The following ANKS1B variants were observed in gnomAD, a reference collection of about 807,000 sequenced individuals.
The protein encoded by ANKS1B is ankyrin repeat and sterile alpha motif domain-containing protein 1B.
A neutral mutation model predicts 148.3 loss-of-function variants in ANKS1B; 36 were observed. That is an observed-to-expected ratio of 0.24 (90% CI 0.19 to 0.32). The LOEUF is 0.32. Among genes scored for constraint, ANKS1B ranks in the 10% least tolerant of loss-of-function variants. ANKS1B has a pLI of 1.00. For synonymous variants in ANKS1B, 542 were observed against 560.8 expected (o/e 0.97, Z 0.47); for missense variants, 1,157 against 1,542.6 (o/e 0.75, Z 4.19).
At chr12:99,906,632 A>G (rs1188706374) in intron 1 of ANKS1B, among the ~76,000 whole-genome samples, 2 of 152,180 alleles carry the variant, frequency 1.3e-5, no homozygotes, top group Admixed American at 6.5e-5. Context: ...ACCACTCTCT[A>G]GTCTCATGGT....
intron 15 of ANKS1B, chr12:99,104,540 T>C (rs1354779495): frequency 6.6e-6 from 1 of 152,172 alleles, no homozygotes; most frequent in Non-Finnish European, 1.5e-5. Context: ...GTTTTGATCA[T>C]CCTATGAGCC....
chr12:98,767,366 T>G, intron 25 of ANKS1B, among the ~76,000 whole-genome samples: 1 of 152,156 alleles, frequency 6.6e-6, no homozygotes, highest in South Asian at 2.1e-4. Flanking sequence ...GATCCTCACA[T>G]GGCCCACATT....
intron 12 of ANKS1B, among the ~76,000 whole-genome samples, chr12:99,372,071 T>A (rs1365453996): frequency 6.6e-6 from 1 of 152,118 alleles, no homozygotes. Flanking sequence ...ACTTACATAT[T>A]TGTGTAAACC....
At chr12:98,855,254 T>C (rs1440882604) in intron 17 of ANKS1B, among the ~76,000 whole-genome samples, 2 of 152,230 alleles carry the variant, frequency 1.3e-5, no homozygotes, top group Admixed American at 1.3e-4. Context: ...AATATCTTCG[T>C]TGACAATTCT....
chr12:99,735,807 C>CAAAAAAAAAAAAAAAAAAAA (rs376398944), intron 8 of ANKS1B, among the ~76,000 whole-genome samples: 4 of 108,950 alleles, frequency 3.7e-5, no homozygotes, highest in Non-Finnish European at 5.7e-5. Flanking sequence ...GGACATATAC[C>CAAAAAAAAAAAAAAAAAAAA]AAAAAAAAAA....
At chr12:99,423,708 G>A (rs1015441076) in intron 11 of ANKS1B, among the ~76,000 whole-genome samples, 1 of 152,122 alleles carries the variant, frequency 6.6e-6, no homozygotes, top group Non-Finnish European at 1.5e-5. Context: ...GGAGCTGGAG[G>A]TCATTATCCT....
At chr12:99,766,199 G>GACC (rs991567961) in intron 8 of ANKS1B, among the ~76,000 whole-genome samples, 7 of 152,100 alleles carry the variant, frequency 4.6e-5, no homozygotes, top group Admixed American at 6.5e-5. Context: ...TTCACTGAGA[G>GACC]ACCACTACAT....
chr12:98,843,059 T>G (rs1235505344), intron 17 of ANKS1B, among the ~76,000 whole-genome samples: 1 of 152,170 alleles, frequency 6.6e-6, no homozygotes, highest in Non-Finnish European at 1.5e-5. Flanking sequence ...GTGGTGATCA[T>G]GAGATGACAC....
chr12:99,607,572 C>T (rs1421136482), intron 9 of ANKS1B, among the ~76,000 whole-genome samples: 3 of 152,036 alleles, frequency 2.0e-5, no homozygotes, highest in African/African-American at 7.2e-5. Context: ...GCAGATCCTA[C>T]AGCTTTAACT....
chr12:99,395,326 A>C (rs147815883), intron 12 of ANKS1B, among the ~76,000 whole-genome samples: 240 of 152,302 alleles, frequency 1.6e-3, no homozygotes, highest in African/African-American at 5.6e-3. Context: ...GGTTAAAGCC[A>C]AAGTCCTGAA....
At chr12:99,378,807 T>C (rs73151139) in intron 12 of ANKS1B, among the ~76,000 whole-genome samples, 19,001 of 152,062 alleles carry the variant, frequency 0.12, 1,255 homozygotes, top group African/African-American at 0.17. Context: ...AAGAAAAGAT[T>C]ACTCAAAGAA....
chr12:98,796,992 T>C (rs2098955607), intron 22 of ANKS1B, among the ~76,000 whole-genome samples: 1 of 152,200 alleles, frequency 6.6e-6, no homozygotes, highest in Non-Finnish European at 1.5e-5. Flanking sequence ...ATGCTGATTA[T>C]CACACCGGAG....
At chr12:99,434,142 T>C (rs1047649798) in intron 11 of ANKS1B, among the ~76,000 whole-genome samples, 5 of 152,142 alleles carry the variant, frequency 3.3e-5, no homozygotes, top group Admixed American at 2.0e-4. Context: ...CTATTCATTG[T>C]ATAGTCAAAC....
In ANKS1B at chr12:99,091,654, T is replaced by C. The variant is rs572208999; in HGVS notation, c.2527-6631A>G. ...CCAGATGCATATATCTGTATAAATA[T>C]AAAGCTGATGAATACCTACTGTCTT... On this transcript the variant is annotated intron_variant, in intron 15 of 26. Transcript: ENST00000683438. Among the ~76,000 whole-genome samples, 9 of 152,362 alleles carry C rather than the reference T, an allele frequency of 5.9e-5. No individual in the cohort carries two copies. The South Asian group carries it at 1.9e-3, about 32-fold the overall frequency.
At chr12:99,371,078 C>G (rs538201010) in intron 12 of ANKS1B, among the ~76,000 whole-genome samples, 1 of 151,860 alleles carries the variant, frequency 6.6e-6, no homozygotes, top group Admixed American at 6.6e-5. Context: ...TGGTTTTGGA[C>G]CCCAAGGAAA....
rs2152824792 is a variant in ANKS1B at position 99,452,516 on chromosome 12, GATAA to G, written c.1439-8711_1439-8708del. On this transcript the variant is annotated intron_variant, in intron 10 of 26. Transcript: ENST00000683438. The stretch of plus-strand genomic sequence containing the variant: ...CTGTTCAATATATGCTCATTAAATA[GATAA>G]ATAAATAAGACCAATGAAATCTTTA... Among the ~76,000 whole-genome samples the G allele has an allele frequency of 3.3e-5, 5 of 152,244 alleles. No homozygotes were observed. In the South Asian group the frequency reaches 1.0e-3, roughly 32 times the overall value.
intron 17 of ANKS1B, among the ~76,000 whole-genome samples, chr12:99,025,222 T>C (rs141803857): frequency 6.6e-6 from 1 of 152,326 alleles, no homozygotes; most frequent in East Asian, 1.9e-4. Context: ...ATGATATTTT[T>C]AAAATGTAAA....
At chr12:99,602,141 A>G (rs2097805314) in intron 9 of ANKS1B, among the ~76,000 whole-genome samples, 1 of 151,956 alleles carries the variant, frequency 6.6e-6, no homozygotes, top group Non-Finnish European at 1.5e-5. Flanking sequence ...CTTTAGTTCA[A>G]CTTATTCAGC....
chr12:99,584,099 G>T (rs773574476), intron 9 of ANKS1B, among the ~76,000 whole-genome samples: 1 of 152,116 alleles, frequency 6.6e-6, no homozygotes, highest in Non-Finnish European at 1.5e-5. Context: ...AATGTAAAAA[G>T]GTAGGCAGAG....
Sources: gnomAD v4.1 joint callset for allele counts (sites outside exome capture counted in the v4.1 genomes callset) on GRCh38, gnomAD v4.1.1 for gene constraint, MANE v1.5 for transcripts, NCBI Gene and HGNC (gene_info 2026-07-23, HGNC 2026-07-21) for gene names.